The following DCC variants were observed in gnomAD, a reference collection of about 807,000 sequenced individuals.
The protein encoded by DCC is DCC netrin 1 receptor, also known as netrin receptor DCC.
A neutral mutation model predicts 172.5 loss-of-function variants in DCC; 58 were observed. The observed-to-expected ratio is 0.34, with a 90% CI of 0.27 to 0.42. DCC has a LOEUF of 0.42. Ranked by LOEUF, DCC falls within the 10% of genes least tolerant of loss-of-function variation. The pLI, the probability that DCC is intolerant of heterozygous loss-of-function variation, is 1.00. For synonymous variants in DCC, 709 were observed against 644.5 expected, an observed-to-expected ratio of 1.10 and a Z score of -1.52; for missense variants, 1,740 against 1,791.0, an observed-to-expected ratio of 0.97 and a Z score of 0.51.
intron 8 of DCC, among the ~76,000 whole-genome samples, chr18:53,159,315 G>A (rs1354957169): frequency 3.3e-5 from 5 of 151,874 alleles, no homozygotes; most frequent in South Asian, 2.1e-4. Flanking sequence ...TTCCATCCCC[G>A]TTGACCAAGC....
intron 14 of DCC, among the ~76,000 whole-genome samples, chr18:53,330,020 TTC>T (rs1361062564): frequency 3.9e-4 from 60 of 152,230 alleles, no homozygotes; most frequent in Non-Finnish European, 8.8e-5. Context: ...AATGTTTTTC[TTC>T]TCTTACATCA....
chr18:53,358,090 G>C lies in DCC; in HGVS notation c.2359+18183G>C, dbSNP rs549779606. 1.3e-3 allele frequency among the ~76,000 whole-genome samples: 200 copies of C among 152,122 alleles called. 3 individuals carry two copies. In the South Asian group the frequency reaches 0.039, roughly 30 times the overall value. ...TGTTTATTATTTCTGTGTGCCAATAGTTTGTCCAATTACTATATTCTAAAT... is the reference window on the plus strand; with the variant it reads ...TGTTTATTATTTCTGTGTGCCAATACTTTGTCCAATTACTATATTCTAAAT... On this transcript the variant is annotated intron_variant, in intron 15 of 28. Coordinates refer to ENST00000442544, the MANE Select transcript of DCC (RefSeq NM_005215.4).
intron 1 of DCC, among the ~76,000 whole-genome samples, chr18:52,499,187 AC>A (rs1277511015): frequency 1.3e-5 from 2 of 152,174 alleles, no homozygotes; most frequent in African/African-American, 4.8e-5. Flanking sequence ...GGATCTAGTG[AC>A]AAGTTCAAAT....
intron 5 of DCC, among the ~76,000 whole-genome samples, chr18:52,935,396 CTG>C (rs1319196882): frequency 7.2e-5 from 11 of 152,098 alleles, no homozygotes; most frequent in African/African-American, 2.4e-4. Context: ...ATATCATTAA[CTG>C]TGATGAAATT....
intron 27 of DCC, among the ~76,000 whole-genome samples, chr18:53,514,064 C>A (rs1399134352): frequency 6.6e-6 from 1 of 152,060 alleles, no homozygotes; most frequent in Non-Finnish European, 1.5e-5. Flanking sequence ...GGAAGTAAAG[C>A]TCTCCTCAGC....
chr18:53,483,925 A>T (rs1363660171), intron 25 of DCC, among the ~76,000 whole-genome samples: 1 of 151,612 alleles, frequency 6.6e-6, no homozygotes, highest in African/African-American at 2.4e-5. Flanking sequence ...CTTGTTGTTG[A>T]TCTAAACACT....
chr18:53,205,395 A>G (rs1312261921), intron 10 of DCC, 31 bp downstream of exon 10: 10 of 1,609,276 alleles, frequency 6.2e-6, no homozygotes, highest in Non-Finnish European at 8.5e-6. Flanking sequence ...CACTGCTTCC[A>G]TCTGTTGGAT....
intron 3 of DCC, among the ~76,000 whole-genome samples, chr18:52,911,304 C>G (rs574258121): frequency 3.6e-4 from 54 of 152,008 alleles, no homozygotes; most frequent in African/African-American, 1.3e-3. Context: ...AGACAAGGAA[C>G]TAGTTGGGAA....
At chr18:53,259,208 A>C (rs1286526811) in intron 12 of DCC, among the ~76,000 whole-genome samples, 1 of 152,288 alleles carries the variant, frequency 6.6e-6, no homozygotes, top group African/African-American at 2.4e-5. Flanking sequence ...TAGCCCATTT[A>C]CATTTAAGGT....
At chr18:52,472,262 T>A (rs1410105466) in intron 1 of DCC, among the ~76,000 whole-genome samples, 1 of 152,138 alleles carries the variant, frequency 6.6e-6, no homozygotes, top group Non-Finnish European at 1.5e-5. Flanking sequence ...TTACGGTTCC[T>A]AGTCCTGGGA....
chr18:52,952,712 A>G (rs1293699139), intron 5 of DCC, among the ~76,000 whole-genome samples: 3 of 152,106 alleles, frequency 2.0e-5, no homozygotes, highest in South Asian at 2.1e-4. Context: ...TTTAAATCCT[A>G]TAATAGGCTG....
intron 3 of DCC, among the ~76,000 whole-genome samples, chr18:52,921,126 C>T (rs1019392336): frequency 1.7e-5 from 2 of 115,570 alleles, no homozygotes; most frequent in African/African-American, 6.2e-5. Flanking sequence ...TTTGTCAAAC[C>T]CATAGGATTA....
chr18:53,339,733 C>G lies in DCC; in HGVS notation c.2185C>G (p.Pro729Ala), dbSNP rs764461516. The G allele has an allele frequency of 1.4e-5, 23 of 1,613,772 alleles. No individual in the cohort carries two copies. The highest frequency in any genetic ancestry group is 1.9e-5 in the Non-Finnish European group (22 of 1,179,920). ...GCTAGAATCTCAAGTTCCTGATCAA[C>G]CAAGCTCTCTTCATGTGAGGCCCCA... ...DLDESQVPDQ[P>A]SSLHVRPQTN... is the part of the protein sequence containing the mutation. The change falls in exon 15 of 29, where the codon CCA becomes GCA. Residue 729 changes from proline to alanine, a missense_variant. Coordinates refer to ENST00000442544, the MANE Select transcript of DCC (RefSeq NM_005215.4).
chr18:52,778,275 CATAAAA>C (rs2037470006), intron 2 of DCC, among the ~76,000 whole-genome samples: 1 of 152,148 alleles, frequency 6.6e-6, no homozygotes, highest in Non-Finnish European at 1.5e-5. Context: ...TGCACTAATA[CATAAAA>C]ATAAAAGAAC....
chr18:53,252,260 G>A (rs1218334878), intron 12 of DCC, among the ~76,000 whole-genome samples: 2 of 151,752 alleles, frequency 1.3e-5, no homozygotes, highest in African/African-American at 4.8e-5. Context: ...TTTACATACT[G>A]CATAGGATTT....
intron 1 of DCC, among the ~76,000 whole-genome samples, chr18:52,503,058 A>G (rs1568201649): frequency 6.6e-6 from 1 of 152,194 alleles, no homozygotes; most frequent in Non-Finnish European, 1.5e-5. Flanking sequence ...GAGTCTGAAG[A>G]GTCAAATCAA....
chr18:53,114,258 C>CA (rs1555714373), intron 7 of DCC, among the ~76,000 whole-genome samples: 1 of 151,146 alleles, frequency 6.6e-6, no homozygotes, highest in African/African-American at 2.4e-5. Flanking sequence ...ACACCCCCCC[C>CA]ACCCCAAGTA....
At chr18:53,339,198 T>C (rs955444276) in intron 14 of DCC, among the ~76,000 whole-genome samples, 1 of 152,222 alleles carries the variant, frequency 6.6e-6, no homozygotes, top group Non-Finnish European at 1.5e-5. Context: ...ACTGATTTAA[T>C]AAACCATGAA....
intron 7 of DCC, among the ~76,000 whole-genome samples, chr18:53,114,537 T>C (rs1052320425): frequency 1.3e-5 from 2 of 151,634 alleles, no homozygotes; most frequent in Non-Finnish European, 3.0e-5. Context: ...ACAGTTGCGA[T>C]GTTATTTTTA....
Sources: gnomAD v4.1 joint callset for allele counts (sites outside exome capture counted in the v4.1 genomes callset) on GRCh38, gnomAD v4.1.1 for gene constraint, MANE v1.5 for transcripts, NCBI Gene and HGNC (gene_info 2026-07-23, HGNC 2026-07-21) for gene names.